Variants in KLF17 observed in about 807,000 individuals in gnomAD.
The protein encoded by KLF17 is KLF transcription factor 17.
A neutral mutation model predicts 34.2 loss-of-function variants in KLF17; 31 were observed. The observed-to-expected ratio is 0.91, with a 90% CI of 0.68 to 1.22. The LOEUF is 1.22. KLF17 is among the 50% of genes most tolerant of loss of function. The pLI, the probability that KLF17 is intolerant of heterozygous loss-of-function variation, is 0.00. For synonymous variants in KLF17, 179 were observed against 186.7 expected, an observed-to-expected ratio of 0.96 and a Z score of 0.34; for missense variants, 478 against 505.2, an observed-to-expected ratio of 0.95 and a Z score of 0.52.
At chr1:44,072,692 T>C in the KLF17 span, among the ~76,000 whole-genome samples, 1 of 152,052 alleles carries the variant, frequency 6.6e-6, no homozygotes, top group Non-Finnish European at 1.5e-5. Context: ...AGACCTTGTC[T>C]GTAAAATAAT....
the KLF17 span, among the ~76,000 whole-genome samples, chr1:44,053,275 G>A: frequency 6.6e-6 from 1 of 152,138 alleles, no homozygotes; most frequent in Non-Finnish European, 1.5e-5. Context: ...ATGGGAAGAA[G>A]TCCCTTATGT....
At chr1:44,049,670 A>G in the KLF17 span, among the ~76,000 whole-genome samples, 2 of 152,128 alleles carry the variant, frequency 1.3e-5, no homozygotes, top group Admixed American at 1.3e-4. Flanking sequence ...GTTTGTAGGG[A>G]TGGGGTTTCA....
At chr1:44,052,213 C>A in the KLF17 span, 1 of 152,202 alleles carries the variant, frequency 6.6e-6, no homozygotes, top group Admixed American at 6.5e-5. Flanking sequence ...TATTTCTCCC[C>A]TAGGGGAATC....
the KLF17 span, among the ~76,000 whole-genome samples, chr1:44,099,913 GAAAGAA>G: frequency 1.4e-4 from 8 of 57,640 alleles, 1 homozygote; most frequent in East Asian, 1.2e-3. Context: ...AAGAAAGAAA[GAAAGAA>G]AAGAAAGGGA....
At chr1:44,082,386 A>C in the KLF17 span, among the ~76,000 whole-genome samples, 1 of 152,226 alleles carries the variant, frequency 6.6e-6, no homozygotes, top group Non-Finnish European at 1.5e-5. Context: ...AAAACCCTTT[A>C]ATGGTGGTGG....
chr1:44,124,596 G>A (rs1156302517), intron 1 of KLF17, among the ~76,000 whole-genome samples: 2 of 149,820 alleles, frequency 1.3e-5, no homozygotes, highest in African/African-American at 2.5e-5. Flanking sequence ...CGGGGTTCAC[G>A]CCATTCTCCT....
chr1:44,093,026 A>G, the KLF17 span, among the ~76,000 whole-genome samples: 1 of 146,290 alleles, frequency 6.8e-6, no homozygotes, highest in African/African-American at 2.5e-5. Context: ...AGCCTACATT[A>G]TAAGGTACTC....
At chr1:44,124,660 A>G (rs964118014) in intron 1 of KLF17, among the ~76,000 whole-genome samples, 1 of 151,932 alleles carries the variant, frequency 6.6e-6, no homozygotes. Flanking sequence ...TCGCCCGGCT[A>G]ATTTTTTGTA....
chr1:44,108,886 T>C, the KLF17 span, among the ~76,000 whole-genome samples: 133,320 of 151,932 alleles, frequency 0.88, 58,917 homozygotes, highest in Non-Finnish European at 0.93. Flanking sequence ...AGGCTGGTCT[T>C]GAACTCCTGA....
the KLF17 span, among the ~76,000 whole-genome samples, chr1:44,049,048 T>C: frequency 4.8e-4 from 73 of 152,230 alleles, no homozygotes; most frequent in African/African-American, 1.7e-3. Flanking sequence ...CTCACAATTC[T>C]GGAGCCTGGG....
chr1:44,056,360 G>A, the KLF17 span, among the ~76,000 whole-genome samples: 1 of 152,146 alleles, frequency 6.6e-6, no homozygotes, highest in Non-Finnish European at 1.5e-5. Flanking sequence ...CCTGGAACAA[G>A]GACTTTTGCC....
the KLF17 span, among the ~76,000 whole-genome samples, chr1:44,109,666 G>A: frequency 7.9e-5 from 12 of 151,976 alleles, no homozygotes; most frequent in African/African-American, 1.2e-4. Flanking sequence ...ACACACAGAC[G>A]TACTCCTCTG....
the KLF17 span, among the ~76,000 whole-genome samples, chr1:44,057,273 C>G: frequency 6.6e-6 from 1 of 152,172 alleles, no homozygotes; most frequent in Non-Finnish European, 1.5e-5. Flanking sequence ...AGTCAATATA[C>G]TTACTAATTC....
At chr1:44,055,879 G>T in the KLF17 span, among the ~76,000 whole-genome samples, 3 of 152,158 alleles carry the variant, frequency 2.0e-5, no homozygotes, top group African/African-American at 7.2e-5. Context: ...ATATAGATTT[G>T]TTCAGGATCA....
At chr1:44,092,075 G>A in the KLF17 span, among the ~76,000 whole-genome samples, 630 of 150,858 alleles carry the variant, frequency 4.2e-3, 5 homozygotes, top group African/African-American at 0.015. Context: ...AGGTGCAGTG[G>A]CTCACACCTA....
At chr1:44,122,856 C>T (rs986477656) in intron 1 of KLF17, among the ~76,000 whole-genome samples, 1 of 152,134 alleles carries the variant, frequency 6.6e-6, no homozygotes. Flanking sequence ...CCCTTGGCCT[C>T]CCAAAGTACT....
the KLF17 span, among the ~76,000 whole-genome samples, chr1:44,077,170 C>A: frequency 6.6e-6 from 1 of 151,808 alleles, no homozygotes; most frequent in Non-Finnish European, 1.5e-5. Context: ...CATGGTGAAA[C>A]CCCGCCTCCA....
At chr1:44,052,080 T>G in the KLF17 span, 1 of 152,156 alleles carries the variant, frequency 6.6e-6, no homozygotes, top group Non-Finnish European at 1.5e-5. Context: ...TACCTAGAAG[T>G]CTGCTCAGTG....
In KLF17 at chr1:44,133,321, A is replaced by G. The variant is rs1030988947; in HGVS notation, c.*84A>G. On this transcript the variant is annotated 3_prime_UTR_variant, in exon 4 of 4. Coordinates refer to ENST00000372299, the MANE Select transcript of KLF17 (RefSeq NM_173484.4). ...AGGAGAGGCAGTCTTCAAGTTCTAC[A>G]TTCATTCAGAAAAATGTTTTTTGAG... The G allele has an allele frequency of 1.3e-5, 2 of 152,260 alleles. No individual in the cohort carries two copies. Among genetic ancestry groups the G allele is most frequent in the African/African-American group, 4.8e-5 (2 of 41,452 alleles). The allele number at this position is 152,260 out of a possible 1,614,324, so 9.4% of individuals were successfully genotyped here. A position where few individuals can be genotyped will look rare whatever the true frequency, so the allele number is the denominator to read the frequency against.
Sources: gnomAD v4.1 joint callset for allele counts (sites outside exome capture counted in the v4.1 genomes callset) on GRCh38, gnomAD v4.1.1 for gene constraint, MANE v1.5 for transcripts, NCBI Gene and HGNC (gene_info 2026-07-23, HGNC 2026-07-21) for gene names.